Variants in TFR2 observed in about 807,000 individuals in gnomAD.
The protein encoded by TFR2 is transferrin receptor protein 2.
A neutral mutation model predicts 91.9 loss-of-function variants in TFR2; 64 were observed. The observed-to-expected ratio is 0.70, with a 90% confidence interval of 0.57 to 0.86. TFR2 has a LOEUF of 0.86. Among genes scored for constraint, TFR2 ranks in the 40% least tolerant of loss-of-function variants. The probability of loss-of-function intolerance (pLI) is 0.00; values close to 1 mark genes in which losing one functional copy is unlikely to be tolerated. For synonymous variants in TFR2, 454 were observed against 459.6 expected (o/e 0.99, Z 0.15); for missense variants, 950 against 1,080.5 (o/e 0.88, Z 1.69).
chr7:100,633,004 C>T lies in TFR2; in HGVS notation c.846G>A (p.Gln282=). 6.2e-7 allele frequency: 1 copy of T among 1,613,816 alleles called. No homozygotes were observed. Among genetic ancestry groups the T allele is most frequent in the Non-Finnish European group, 8.5e-7 (1 of 1,180,010 alleles). The change falls in exon 6 of 18, where the codon CAG becomes CAA. Residue 282 remains glutamine, a synonymous_variant. Coordinates refer to ENST00000223051, the MANE Select transcript of TFR2 (RefSeq NM_003227.4). ...LVRVGVISFA[Q]KVTNAQDFGA... is the part of the protein sequence containing the mutation. The stretch of plus-strand genomic sequence containing the variant: ...CCCTCTGTCCAGGGACACTTACCTT[C>T]TGGGCGAAGCTGATCACCCCCACGC...
At chr7:100,630,259 T>C (rs1347422669) in intron 9 of TFR2, among the ~76,000 whole-genome samples, 1 of 151,858 alleles carries the variant, frequency 6.6e-6, no homozygotes, top group East Asian at 1.9e-4. Context: ...TCTTTCTTTT[T>C]TTCTTTCTCT....
chr7:100,637,119 G>T (rs965661610), intron 3 of TFR2, among the ~76,000 whole-genome samples: 4 of 152,104 alleles, frequency 2.6e-5, no homozygotes, highest in Non-Finnish European at 5.9e-5. Context: ...TACATAAATT[G>T]CCGGGCGCAG....
At chr7:100,628,466 CA>C (rs1238066989) in intron 10 of TFR2, among the ~76,000 whole-genome samples, 160 bp from the exon 11 acceptor site, 7 of 152,292 alleles carry the variant, frequency 4.6e-5, no homozygotes, top group Admixed American at 2.6e-4. Flanking sequence ...GTGGTGCAAT[CA>C]TGGCTCAATG....
At chr7:100,630,775 A>T in intron 9 of TFR2, 114 bp downstream of exon 9, 1 of 1,466,396 alleles carries the variant, frequency 6.8e-7, no homozygotes, top group South Asian at 1.2e-5. Context: ...TCTGGGCACC[A>T]CTCCTGTCCC....
chr7:100,638,542 G>T (rs1372812797), intron 3 of TFR2, among the ~76,000 whole-genome samples: 2 of 151,512 alleles, frequency 1.3e-5, no homozygotes, highest in South Asian at 2.1e-4. Context: ...CTGAGGTCAG[G>T]AGTTTGAGAC....
chr7:100,633,114 C>T lies in TFR2; in HGVS notation c.736G>A (p.Val246Met), dbSNP rs1803496803. ...TCGGGCCGCCCGTAGTGGGCGTACACCAGCTCTCCCTGGGGACACGAGGAC... is the reference window on the plus strand; with the variant it reads ...TCGGGCCGCCCGTAGTGGGCGTACATCAGCTCTCCCTGGGGACACGAGGAC... ...SAIGNVTGEL[V>M]YAHYGRPEDL... The change falls in exon 6 of 18, where the codon GTG becomes ATG. Residue 246 changes from valine (V) to methionine (M), a missense_variant. Physicochemically the swap from Val to Met is conservative, Grantham distance 21. Coordinates refer to ENST00000223051, the MANE Select transcript of TFR2 (RefSeq NM_003227.4). 1 of 1,613,490 alleles carries T rather than the reference C, an allele frequency of 6.2e-7. No homozygotes were observed. Among genetic ancestry groups the T allele is most frequent in the Non-Finnish European group, 8.5e-7 (1 of 1,179,894 alleles).
rs761853608 is a variant in TFR2, at chr7:100,620,843, G to T, written c.*14C>A. On this transcript the variant is annotated 3_prime_UTR_variant, in exon 18 of 18. Transcript: ENST00000223051. ...TCTTGACTGGGGGACGGGGATGTGA[G>T]GATCCCCAGGGCCTCAGAAGTTGTT... The T allele has an allele frequency of 9.3e-6, 15 of 1,613,796 alleles. No individual in the cohort carries two copies. In the East Asian group the frequency reaches 2.5e-4, roughly 26 times the overall value.
In TFR2 at chr7:100,633,470, T is replaced by C; in HGVS notation, c.560A>G (p.Lys187Arg). The change falls in exon 4 of 18, where the codon AAG becomes AGG. Residue 187 changes from lysine (K) to arginine (R), a missense_variant. Lys to Arg is a conservative substitution (Grantham distance 26, BLOSUM62 2). Coordinates refer to ENST00000223051, the MANE Select transcript of TFR2 (RefSeq NM_003227.4). The part of the protein sequence containing the change: ...QDIRAALSRQ[K>R]LDHVWTDTHY... ...CGTGTCGGTCCACACGTGGTCCAGCTTCTGGCGGGAGAGCGCCGCGCGAAT... is the reference window on the plus strand; with the variant it reads ...CGTGTCGGTCCACACGTGGTCCAGCCTCTGGCGGGAGAGCGCCGCGCGAAT... The C allele has an allele frequency of 6.2e-7, 1 of 1,612,818 alleles. No homozygotes were observed. Among genetic ancestry groups the C allele is most frequent in the Non-Finnish European group, 8.5e-7 (1 of 1,179,892 alleles).
At position 100,620,733 on chromosome 7, in the gene TFR2, GGT is replaced by G; in HGVS notation, c.*122_*123del. The G allele has an allele frequency of 7.4e-7, 1 of 1,353,502 alleles. No homozygotes were observed. Among genetic ancestry groups the G allele is most frequent in the Non-Finnish European group, 1.0e-6 (1 of 967,120 alleles). 83.8% of individuals were successfully genotyped at this position (1,353,502 alleles called of 1,614,324 possible). A position where few individuals can be genotyped will look rare whatever the true frequency, so the allele number is the denominator to read the frequency against. The stretch of plus-strand genomic sequence containing the variant: ...TGGGCTCCGTGGAGAGATGTGTAGG[GGT>G]AATGAGAAATTGATCAGCAATGAGA... On this transcript the variant is annotated 3_prime_UTR_variant, in exon 18 of 18. Coordinates refer to ENST00000223051, the MANE Select transcript of TFR2 (RefSeq NM_003227.4).
intron 3 of TFR2, among the ~76,000 whole-genome samples, chr7:100,637,263 G>A (rs570240784): frequency 8.5e-5 from 13 of 152,188 alleles, no homozygotes; most frequent in Admixed American, 2.6e-4. Context: ...GCTGGGTGTC[G>A]TGGCGCATGA....
rs773026759 is a variant in TFR2, at chr7:100,633,492, G to C, written c.538C>G (p.Arg180Gly). The change falls in exon 4 of 18, where the codon CGC becomes GGC. Residue 180 changes from arginine to glycine, a missense_variant. Physicochemically the swap from Arg to Gly is moderately radical, Grantham distance 125. Coordinates refer to ENST00000223051, the MANE Select transcript of TFR2 (RefSeq NM_003227.4). ...AGMAALTQDI[R>G]AALSRQKLDH... is the part of the protein sequence containing the mutation. Reference sequence around the variant, plus strand: ...AGCTTCTGGCGGGAGAGCGCCGCGCGAATGTCCTGAGTCAGAGCGGCCATC... The same window carrying C: ...AGCTTCTGGCGGGAGAGCGCCGCGCCAATGTCCTGAGTCAGAGCGGCCATC... 1.2e-6 allele frequency: 2 copies of C among 1,611,834 alleles called. No individual in the cohort carries two copies. Among genetic ancestry groups the C allele is most frequent in the Non-Finnish European group, 1.7e-6 (2 of 1,179,904 alleles).
chr7:100,640,503 C>A, intron 3 of TFR2, 183 bp downstream of exon 3: 1 of 674,000 alleles, frequency 1.5e-6, no homozygotes, highest in South Asian at 1.9e-5. Flanking sequence ...TCCCCTGGAA[C>A]CTCAGCTCCG....
chr7:100,620,714 C>G lies in TFR2; in HGVS notation c.*143G>C. Reference sequence around the variant, plus strand: ...GGATATCTGTGCTGGGGTCTGGGCTCCGTGGAGAGATGTGTAGGGGTAATG... The same window carrying G: ...GGATATCTGTGCTGGGGTCTGGGCTGCGTGGAGAGATGTGTAGGGGTAATG... On this transcript the variant is annotated 3_prime_UTR_variant, in exon 18 of 18. Coordinates refer to ENST00000223051, the MANE Select transcript of TFR2 (RefSeq NM_003227.4). 10 of 1,177,480 alleles carry G rather than the reference C, an allele frequency of 8.5e-6. No homozygotes were observed. In the South Asian group the frequency reaches 1.5e-4, roughly 17 times the overall value. 72.9% of individuals were successfully genotyped at this position (1,177,480 alleles called of 1,614,324 possible). A position where few individuals can be genotyped will look rare whatever the true frequency, so the allele number is the denominator to read the frequency against.
intron 13 of TFR2, 29 bp from the exon 14 acceptor site, chr7:100,627,849 G>A: frequency 6.2e-7 from 1 of 1,614,052 alleles, no homozygotes; most frequent in Non-Finnish European, 8.5e-7. Context: ...CACTGATCAG[G>A]CTCTGCTCCT....
At position 100,632,986 on chromosome 7, in the gene TFR2, T is replaced by C; in HGVS notation, c.849+15A>G. ...TTCCCGGGCTCAAGCCCTCCCTCTGTCCAGGGACACTTACCTTCTGGGCGA... is the reference window on the plus strand; with the variant it reads ...TTCCCGGGCTCAAGCCCTCCCTCTGCCCAGGGACACTTACCTTCTGGGCGA... On this transcript the variant is annotated intron_variant, in intron 6 of 17. Coordinates refer to ENST00000223051, the MANE Select transcript of TFR2 (RefSeq NM_003227.4). 1 of 1,613,636 alleles carries C rather than the reference T, an allele frequency of 6.2e-7. No individual in the cohort carries two copies. Among genetic ancestry groups the C allele is most frequent in the Non-Finnish European group, 8.5e-7 (1 of 1,179,978 alleles).
chr7:100,637,137 C>T (rs1803588318), intron 3 of TFR2, among the ~76,000 whole-genome samples: 1 of 152,112 alleles, frequency 6.6e-6, no homozygotes, highest in Admixed American at 6.6e-5. Context: ...CAGTGGCTCA[C>T]ACCTGTAATC....
chr7:100,625,970 G>C (rs551299931), intron 17 of TFR2, among the ~76,000 whole-genome samples: 1 of 152,174 alleles, frequency 6.6e-6, no homozygotes, highest in Admixed American at 6.5e-5. Context: ...CCTCCAAGGG[G>C]TAGCCATGCT....
Position 100,640,825 on chromosome 7 carries a change from C to T in TFR2, c.334G>A (p.Gly112Arg), listed in dbSNP as rs759961080. 25 of 1,614,158 alleles carry T rather than the reference C, an allele frequency of 1.5e-5. No individual in the cohort carries two copies. Among genetic ancestry groups the T allele is most frequent in the Non-Finnish European group, 1.8e-5 (21 of 1,180,038 alleles). Residue 112 changes from glycine to arginine, a missense_variant, in exon 3 of 18, where the codon GGA becomes AGA. Physicochemically the swap from Gly to Arg is moderately radical, Grantham distance 125. Transcript: ENST00000223051. ...TCACTGACCACCAACACAGAGTCTC[C>T]GCACGCCTGGCAGGACCCTCGGAAG... ...VAFRGSCQAC[G>R]DSVLVVSEDV...
intron 8 of TFR2, among the ~76,000 whole-genome samples, chr7:100,631,305 CTTTTTTTTT>C (rs542161282): frequency 2.0e-4 from 19 of 95,720 alleles, no homozygotes; most frequent in East Asian, 6.5e-4. Context: ...AGAAGAGTCA[CTTTTTTTTT>C]TTTTTTTTTT....
Sources: allele counts gnomAD v4.1 joint callset (sites outside exome capture counted in the v4.1 genomes callset), GRCh38; gene constraint gnomAD v4.1.1; transcripts MANE v1.5; gene names NCBI Gene and HGNC (gene_info 2026-07-23, HGNC 2026-07-21).